GNE: variants seen among roughly 807,000 people sequenced by gnomAD.
GNE encodes bifunctional UDP-N-acetylglucosamine 2-epimerase/N-acetylmannosamine kinase.
GNE carries 41 observed loss-of-function variants against 61.8 expected under a neutral mutation model. The ratio of observed to expected loss-of-function variants is 0.66; its 90% CI spans 0.52 to 0.86. The LOEUF (loss-of-function observed/expected upper bound fraction) is 0.86, where lower values mean the gene tolerates loss of function less well. Ranked by LOEUF, GNE falls within the 40% of genes least tolerant of loss-of-function variation. The pLI, the probability that GNE is intolerant of heterozygous loss-of-function variation, is 0.00. For synonymous variants in GNE, 264 were observed against 326.4 expected (o/e 0.81, Z 2.06); for missense variants, 608 against 909.1 (o/e 0.67, Z 4.26).
rs1267633636 is a variant in GNE, at chr9:36,215,582, A to C, written c.*1783T>G. On this transcript the variant is annotated 3_prime_UTR_variant, in exon 12 of 12. Coordinates refer to ENST00000642385, the MANE Select transcript of GNE (RefSeq NM_005476.7). ...AACCCTCTCTCTAGCCCCATAGCTT[A>C]ACAGTCAAACACACCAAGTTCTATA... 1 of 152,224 alleles carries C rather than the reference A, an allele frequency of 6.6e-6. No homozygotes were observed. The highest frequency in any genetic ancestry group is 2.4e-5 in the African/African-American group (1 of 41,448). 9.4% of individuals were successfully genotyped at this position (152,224 alleles called of 1,614,324 possible).
chr9:36,241,961 C>G (rs1167022540), intron 3 of GNE, among the ~76,000 whole-genome samples: 1 of 151,930 alleles, frequency 6.6e-6, no homozygotes, highest in African/African-American at 2.4e-5. Flanking sequence ...CATGATGAAG[C>G]CCCATCTCTA....
chr9:36,265,956 G>C, intron 1 of GNE, among the ~76,000 whole-genome samples: 1 of 151,900 alleles, frequency 6.6e-6, no homozygotes, highest in East Asian at 1.9e-4. Context: ...TTGAGACGGA[G>C]TCTCACTCTG....
At chr9:36,256,981 C>T (rs1212942445) in intron 1 of GNE, among the ~76,000 whole-genome samples, 1 of 152,098 alleles carries the variant, frequency 6.6e-6, no homozygotes, top group East Asian at 1.9e-4. Context: ...CCGAGATGGG[C>T]GGATCACTTG....
At chr9:36,254,691 C>G (rs1037444197) in intron 1 of GNE, among the ~76,000 whole-genome samples, 5 of 152,308 alleles carry the variant, frequency 3.3e-5, no homozygotes, top group African/African-American at 9.6e-5. Context: ...GTGGCTCACG[C>G]CTGTAATCCC....
At chr9:36,265,520 T>C (rs1182749750) in intron 1 of GNE, 1 of 455,814 alleles carries the variant, frequency 2.2e-6, no homozygotes, top group East Asian at 7.0e-5. Context: ...AACTGAGCAA[T>C]TCATCACCAT....
At chr9:36,230,424 A>G (rs1211019108) in intron 5 of GNE, among the ~76,000 whole-genome samples, 2 of 151,696 alleles carry the variant, frequency 1.3e-5, no homozygotes, top group Admixed American at 6.6e-5. Context: ...GAAGGGCTCC[A>G]GAGGTTGGTC....
chr9:36,248,273 A>AGATGTAATTACATACATCTT (rs1295985634), intron 2 of GNE, among the ~76,000 whole-genome samples: 5 of 151,886 alleles, frequency 3.3e-5, no homozygotes, highest in African/African-American at 1.2e-4. Context: ...ACATACATCA[A>AGATGTAATTACATACATCTT]GATGTATGTA....
At chr9:36,269,961 C>T (rs62541805) in intron 1 of GNE, among the ~76,000 whole-genome samples, 5,156 of 152,016 alleles carry the variant, frequency 0.034, 126 homozygotes, top group Non-Finnish European at 0.049. Flanking sequence ...CGCGCCCGGC[C>T]GGTTGTTGGG....
intron 3 of GNE, among the ~76,000 whole-genome samples, chr9:36,244,229 T>A (rs1387023968): frequency 2.6e-5 from 4 of 152,156 alleles, no homozygotes; most frequent in Admixed American, 1.3e-4. Flanking sequence ...CCTCCCAAAG[T>A]GCTGGGATTA....
chr9:36,223,563 G>A (rs1349449739), intron 7 of GNE, 61 bp from the exon 8 acceptor site: 1 of 1,543,986 alleles, frequency 6.5e-7, no homozygotes, highest in Non-Finnish European at 8.9e-7. Flanking sequence ...TATTGTGAGT[G>A]TTGTGATCTT....
Position 36,240,659 on chromosome 9 carries a change from G to A in GNE, c.617-3675C>T, listed in dbSNP as rs531565143. 1.7e-4 allele frequency among the ~76,000 whole-genome samples: 26 copies of A among 152,230 alleles called. 1 individual carries two copies. The highest frequency in any genetic ancestry group is 1.6e-3 in the Admixed American group (24 of 15,282). ...TGGTTTTGGTATTAGGGTCATGGGGGCTTCACAGAATAAATTAGGGAGGGT... is the reference window on the plus strand; with the variant it reads ...TGGTTTTGGTATTAGGGTCATGGGGACTTCACAGAATAAATTAGGGAGGGT... On this transcript the variant is annotated intron_variant, in intron 3 of 11. Transcript: ENST00000642385.
At chr9:36,236,295 G>C (rs1008950743) in intron 4 of GNE, among the ~76,000 whole-genome samples, 7 of 151,928 alleles carry the variant, frequency 4.6e-5, no homozygotes, top group Admixed American at 3.9e-4. Flanking sequence ...CCACCTTCCA[G>C]GTTCAAGTGA....
chr9:36,251,812 A>G (rs919635337), intron 1 of GNE, among the ~76,000 whole-genome samples: 1 of 152,086 alleles, frequency 6.6e-6, no homozygotes, highest in East Asian at 1.9e-4. Context: ...TGGTACCTCA[A>G]CACTCTCTTA....
At chr9:36,256,028 G>T (rs547428469) in intron 1 of GNE, among the ~76,000 whole-genome samples, 1 of 151,882 alleles carries the variant, frequency 6.6e-6, no homozygotes, top group Non-Finnish European at 1.5e-5. Context: ...AGGTTGAAGC[G>T]ATTCTCCTGC....
At chr9:36,233,405 G>A (rs1236737064) in intron 5 of GNE, among the ~76,000 whole-genome samples, 4 of 152,194 alleles carry the variant, frequency 2.6e-5, no homozygotes, top group Admixed American at 1.3e-4. Flanking sequence ...GGTGGCTCAC[G>A]CCTGTAATCC....
intron 1 of GNE, chr9:36,264,986 C>T (rs1041285188): frequency 5.1e-5 from 12 of 237,486 alleles, no homozygotes; most frequent in African/African-American, 6.7e-5. Flanking sequence ...TGTTTGTTAC[C>T]GCTCAAGCTA....
At chr9:36,250,087 CA>C (rs1444528472) in intron 1 of GNE, among the ~76,000 whole-genome samples, 4 of 152,048 alleles carry the variant, frequency 2.6e-5, no homozygotes, top group African/African-American at 9.7e-5. Flanking sequence ...TAGGTTGTTG[CA>C]AAATCAGTTG....
At chr9:36,264,772 A>C (rs1587377187) in intron 1 of GNE, among the ~76,000 whole-genome samples, 1 of 152,190 alleles carries the variant, frequency 6.6e-6, no homozygotes, top group Non-Finnish European at 1.5e-5. Flanking sequence ...CTAAAATGCC[A>C]ATCAGACAAA....
At chr9:36,225,471 C>CA (rs1828819159) in intron 7 of GNE, among the ~76,000 whole-genome samples, 1 of 151,982 alleles carries the variant, frequency 6.6e-6, no homozygotes, top group South Asian at 2.1e-4. Flanking sequence ...ACTGTCTCTA[C>CA]AAAAAATACA....
Sources: gnomAD v4.1 joint callset for allele counts (sites outside exome capture counted in the v4.1 genomes callset) on GRCh38, gnomAD v4.1.1 for gene constraint, MANE v1.5 for transcripts, NCBI Gene and HGNC (gene_info 2026-07-23, HGNC 2026-07-21) for gene names.